PMFBP1: variants seen among roughly 807,000 people sequenced by gnomAD.
PMFBP1 encodes the protein polyamine-modulated factor 1-binding protein 1.
A neutral mutation model predicts 137.8 loss-of-function variants in PMFBP1; 131 were observed. The ratio of observed to expected loss-of-function variants is 0.95; its 90% CI spans 0.82 to 1.10. The LOEUF is 1.10. PMFBP1 is among the 50% of genes least tolerant of loss of function. The pLI, the probability that PMFBP1 is intolerant of heterozygous loss-of-function variation, is 0.00. For missense variants in PMFBP1, 1,199 were observed against 1,175.4 expected (o/e 1.02, Z -0.29); for synonymous variants, 490 against 450.4 (o/e 1.09, Z -1.11).
the PMFBP1 span, among the ~76,000 whole-genome samples, chr16:72,218,975 G>A: frequency 6.6e-6 from 1 of 152,152 alleles, no homozygotes; most frequent in African/African-American, 2.4e-5. Flanking sequence ...ATCATGTACT[G>A]TGGATCTTTA....
chr16:72,188,319 G>A, the PMFBP1 span, among the ~76,000 whole-genome samples: 1 of 152,198 alleles, frequency 6.6e-6, no homozygotes, highest in Non-Finnish European at 1.5e-5. Flanking sequence ...TCCTAGGAAG[G>A]GGATGGTGTA....
chr16:72,239,901 GA>G, the PMFBP1 span, among the ~76,000 whole-genome samples: 3,858 of 87,796 alleles, frequency 0.044, 138 homozygotes, highest in African/African-American at 0.18. Context: ...AAAAAAAAAA[GA>G]AAAAAAAAAA....
At chr16:72,242,037 A>T in the PMFBP1 span, among the ~76,000 whole-genome samples, 11 of 152,256 alleles carry the variant, frequency 7.2e-5, no homozygotes, top group Admixed American at 3.3e-4. Flanking sequence ...AGTTCTCTCA[A>T]TGTGCAGTAG....
chr16:72,162,468 G>GTTTACA (rs2043077542), intron 3 of PMFBP1, among the ~76,000 whole-genome samples: 1 of 152,186 alleles, frequency 6.6e-6, no homozygotes, highest in Non-Finnish European at 1.5e-5. Flanking sequence ...TGTAAACTAT[G>GTTTACA]ACCTCCTGCT....
chr16:72,119,019 A>G (rs1220082487), downstream of PMFBP1: 1 of 292,924 alleles, frequency 3.4e-6, no homozygotes, highest in Admixed American at 4.8e-5. Context: ...TAGAATTCAG[A>G]GAAAACAGGA....
At chr16:72,204,660 G>T in the PMFBP1 span, among the ~76,000 whole-genome samples, 1 of 152,200 alleles carries the variant, frequency 6.6e-6, no homozygotes, top group Non-Finnish European at 1.5e-5. Context: ...GCAGAGGGAA[G>T]GATGTACAGG....
At chr16:72,119,074 C>T (rs192109619), downstream of PMFBP1, 304 of 407,592 alleles carry the variant, frequency 7.5e-4, no homozygotes, top group African/African-American at 1.4e-3. Context: ...GTCTGCTAGA[C>T]GCCAACAGCT....
At chr16:72,178,956 C>T (rs1286625365), upstream of PMFBP1, among the ~76,000 whole-genome samples, 1 of 152,072 alleles carries the variant, frequency 6.6e-6, no homozygotes, top group Non-Finnish European at 1.5e-5. Flanking sequence ...TTTTTCTTTG[C>T]CCTCTCCACC....
At chr16:72,123,799 A>C in intron 17 of PMFBP1, 150 bp from the exon 18 acceptor site, 2 of 626,936 alleles carry the variant, frequency 3.2e-6, no homozygotes, top group South Asian at 2.3e-5. Flanking sequence ...TTGCCACCAG[A>C]CCTCCCCCTC....
At chr16:72,168,575 A>G (rs1184399466) in intron 2 of PMFBP1, among the ~76,000 whole-genome samples, 1 of 152,230 alleles carries the variant, frequency 6.6e-6, no homozygotes, top group Non-Finnish European at 1.5e-5. Flanking sequence ...AGATGAACTG[A>G]GAGTCATAAT....
chr16:72,124,598 T>C (rs1019259089), intron 17 of PMFBP1, among the ~76,000 whole-genome samples, 169 bp downstream of exon 17: 4 of 152,148 alleles, frequency 2.6e-5, no homozygotes, highest in African/African-American at 9.7e-5. Flanking sequence ...AGAACACAGG[T>C]GGGTTGAACC....
chr16:72,124,414 A>T (rs994905580), intron 17 of PMFBP1, among the ~76,000 whole-genome samples: 24 of 152,238 alleles, frequency 1.6e-4, no homozygotes, highest in African/African-American at 5.5e-4. Context: ...GGCCTGGGAC[A>T]AGCCCAGAAG....
At chr16:72,157,541 T>A (rs2144459664) in intron 3 of PMFBP1, among the ~76,000 whole-genome samples, 1 of 152,178 alleles carries the variant, frequency 6.6e-6, no homozygotes, top group East Asian at 1.9e-4. Context: ...TTTTTCTGGC[T>A]GGAGCAGAGA....
intron 12 of PMFBP1, 46 bp downstream of exon 12, chr16:72,130,167 T>G (rs1467585375): frequency 6.2e-7 from 1 of 1,603,270 alleles, no homozygotes; most frequent in Non-Finnish European, 8.5e-7. Flanking sequence ...TGTTTTATCT[T>G]AAGCAGAGCA....
At chr16:72,125,517 C>T (rs1014023434) in intron 15 of PMFBP1, 112 bp from the exon 16 acceptor site, 63 of 1,222,100 alleles carry the variant, frequency 5.2e-5, no homozygotes, top group Admixed American at 3.0e-4. Context: ...CAGGGTGACA[C>T]GGACGGTCAC....
chr16:72,202,267 T>C, the PMFBP1 span, among the ~76,000 whole-genome samples: 1 of 152,236 alleles, frequency 6.6e-6, no homozygotes, highest in Non-Finnish European at 1.5e-5. Flanking sequence ...CAGTAGACTC[T>C]AGATTAGTCA....
rs780098158 is a variant in PMFBP1, at chr16:72,128,747, T to A, written c.1998A>T (p.Arg666=). 6.2e-7 allele frequency: 1 copy of A among 1,614,164 alleles called. No individual in the cohort carries two copies. The highest frequency in any genetic ancestry group is 8.5e-7 in the Non-Finnish European group (1 of 1,180,024). ...GTGTAGAACAACACTGTAGCTCTGC[T>A]CGGAGATTCTCATTTTCTTCCTCCA... ...RKLEEENENL[R]AELQCCSTQL... is the part of the protein sequence containing the mutation. The change falls in exon 14 of 21, where the codon CGA becomes CGT. Residue 666 remains arginine (R), a synonymous_variant. Transcript: ENST00000237353.
downstream of PMFBP1, among the ~76,000 whole-genome samples, chr16:72,116,947 G>T (rs1323432004): frequency 1.3e-5 from 2 of 149,648 alleles, no homozygotes; most frequent in Non-Finnish European, 3.0e-5. Flanking sequence ...AAGTTCTTCA[G>T]CTTTGTTCTT....
chr16:72,117,162 GTCT>G (rs1414253825), downstream of PMFBP1, among the ~76,000 whole-genome samples: 2 of 151,864 alleles, frequency 1.3e-5, no homozygotes, highest in African/African-American at 4.8e-5. Flanking sequence ...TTCTGTTTAT[GTCT>G]TCTTTAATTT....
Sources: gnomAD v4.1 joint callset for allele counts (sites outside exome capture counted in the v4.1 genomes callset) on GRCh38, gnomAD v4.1.1 for gene constraint, MANE v1.5 for transcripts, NCBI Gene and HGNC (gene_info 2026-07-23, HGNC 2026-07-21) for gene names.